Variants in PCDHGB5 observed in about 807,000 individuals in gnomAD.
PCDHGB5 encodes protocadherin gamma subfamily B, 5.
In PCDHGB5, 48 loss-of-function variants were observed where a neutral mutation model predicts 62.9. That is an observed-to-expected ratio of 0.76 (90% CI 0.61 to 0.97). PCDHGB5 has a LOEUF of 0.97. Among genes scored for constraint, PCDHGB5 ranks in the 50% least tolerant of loss-of-function variants. The pLI is 0.00. For missense variants in PCDHGB5, 1,118 were observed against 1,198.6 expected (o/e 0.93, Z 0.99); for synonymous variants, 474 against 511.2 (o/e 0.93, Z 0.98).
rs566049956 is a variant in PCDHGB5 at position 141,511,685 on chromosome 5, G to A, written c.*512G>A. 1.0e-5 allele frequency: 2 copies of A among 198,374 alleles called. No individual in the cohort carries two copies. Among genetic ancestry groups the A allele is most frequent in the Non-Finnish European group, 2.1e-5 (2 of 94,428 alleles). The allele number at this position is 198,374 out of a possible 1,614,324, so 12.3% of individuals were successfully genotyped here. On this transcript the variant is annotated 3_prime_UTR_variant, in exon 4 of 4. Coordinates refer to ENST00000617380, the MANE Select transcript of PCDHGB5 (RefSeq NM_018925.3). ...GATTCTCAATCTTCCCCCAAAGCAT[G>A]GTTTGGTGCCAGCCCCTTCACCTCC...
intron 1 of PCDHGB5, among the ~76,000 whole-genome samples, chr5:141,488,802 A>G (rs910422824): frequency 2.0e-5 from 3 of 152,294 alleles, no homozygotes; most frequent in Middle Eastern, 3.4e-3. Flanking sequence ...CCTGTTGAGT[A>G]CCATCTGAGC....
At chr5:141,495,104 G>C (rs552664771) in intron 2 of PCDHGB5, among the ~76,000 whole-genome samples, 16 of 152,194 alleles carry the variant, frequency 1.1e-4, no homozygotes, top group Admixed American at 8.5e-4. Flanking sequence ...CGCCACGACC[G>C]GCACCTTTTC....
At position 141,511,219 on chromosome 5, in the gene PCDHGB5, G is replaced by A. The variant is rs1467284181; in HGVS notation, c.*46G>A. On this transcript the variant is annotated 3_prime_UTR_variant, in exon 4 of 4. Coordinates refer to ENST00000617380, the MANE Select transcript of PCDHGB5 (RefSeq NM_018925.3). ...CCACAGGGCGGCCTCTCCCCAACCA[G>A]CCCAGCTTCTCCTTACCTGCACCCA... 5 of 1,606,366 alleles carry A rather than the reference G, an allele frequency of 3.1e-6. No individual in the cohort carries two copies. The highest frequency in any genetic ancestry group is 2.7e-5 in the African/African-American group (2 of 74,686).
At position 141,477,579 on chromosome 5, in the gene PCDHGB5, A is replaced by G. The variant is rs774773400; in HGVS notation, c.2398-17228A>G. The stretch of plus-strand genomic sequence containing the variant: ...AGTGTCTGGGACCCCGACGCCCCGC[A>G]GAATGCTCGGCTTTCTTTCTTTCTC... On this transcript the variant is annotated intron_variant, in intron 1 of 3. Coordinates refer to ENST00000617380, the MANE Select transcript of PCDHGB5 (RefSeq NM_018925.3). The surrounding 1 kb of genome is among the most constrained non-coding windows in gnomAD (Gnocchi z 4.9). The G allele has an allele frequency of 1.7e-5, 27 of 1,614,036 alleles. No individual in the cohort carries two copies. The highest frequency in any genetic ancestry group is 2.0e-5 in the Non-Finnish European group (24 of 1,180,036).
intron 1 of PCDHGB5, among the ~76,000 whole-genome samples, chr5:141,438,615 TATATATATATATATATATATACACACAC>T (rs2098021754): frequency 1.1e-4 from 4 of 35,920 alleles, no homozygotes; most frequent in Non-Finnish European, 1.8e-4. Flanking sequence ...TATATATATA[TATATATATATATATATATATACACACAC>T]ACACACACAT....
Position 141,399,658 on chromosome 5 carries a change from T to C in PCDHGB5, c.1531T>C (p.Phe511Leu), listed in dbSNP as rs766038311. ...CATGAGCGCGCAAAGTGGGGTGGTG[T>C]TCGCGCAGCGCGCCTTTGACTACGA... ...VSMSAQSGVV[F>L]AQRAFDYEQL... The change falls in exon 1 of 4, where the codon TTC becomes CTC. Residue 511 changes from phenylalanine to leucine, a missense_variant. Around this residue, in one of 2 missense-constraint regions of PCDHGB5, gnomAD observed 1,034 missense variants for 1,029.1 expected, o/e 1.00. Coordinates refer to ENST00000617380, the MANE Select transcript of PCDHGB5 (RefSeq NM_018925.3). 2 of 1,613,690 alleles carry C rather than the reference T, an allele frequency of 1.2e-6. No individual in the cohort carries two copies. The highest frequency in any genetic ancestry group is 2.2e-5 in the South Asian group (2 of 91,074).
chr5:141,425,555 A>C (rs1282440598), intron 1 of PCDHGB5, among the ~76,000 whole-genome samples: 2 of 152,388 alleles, frequency 1.3e-5, no homozygotes, highest in Middle Eastern at 6.8e-3. Context: ...AACCTCTTTT[A>C]TAAGTGATAA....
chr5:141,447,119 A>AT (rs2098526425), intron 1 of PCDHGB5, among the ~76,000 whole-genome samples: 1 of 150,848 alleles, frequency 6.6e-6, no homozygotes, highest in South Asian at 2.1e-4. Flanking sequence ...TGCTCCATGG[A>AT]TTTTTTTGTT....
chr5:141,421,433 C>T, intron 1 of PCDHGB5: 1 of 1,614,074 alleles, frequency 6.2e-7, no homozygotes, highest in African/African-American at 1.3e-5. Flanking sequence ...CGCATCGTCT[C>T]CAGAGGGAAG....
Position 141,432,480 on chromosome 5 carries a change from G to T in PCDHGB5, c.2397+31956G>T, listed in dbSNP as rs775075732. On this transcript the variant is annotated intron_variant, in intron 1 of 3. Transcript: ENST00000617380. This position sits in a 1 kb window ranked among gnomAD's most constrained non-coding sequence, Gnocchi z 6.0. ...GCCCTCCCCACGGACGGTTCCACTG[G>T]CGTGGAGCTGGCTCCCCGCTCCGCA... The T allele has an allele frequency of 1.9e-6, 3 of 1,614,180 alleles. No individual in the cohort carries two copies. The highest frequency in any genetic ancestry group is 2.2e-5 in the South Asian group (2 of 91,078).
At chr5:141,424,748 A>G (rs1218712198) in intron 1 of PCDHGB5, 3 of 152,034 alleles carry the variant, frequency 2.0e-5, no homozygotes, top group African/African-American at 4.8e-5. Flanking sequence ...TTCTTTCTTT[A>G]TAAGGTCATT....
At position 141,497,209 on chromosome 5, in the gene PCDHGB5, T is replaced by TG. The variant is rs11343387; in HGVS notation, c.2456+2353dup. On this transcript the variant is annotated intron_variant, in intron 2 of 3. Coordinates refer to ENST00000617380, the MANE Select transcript of PCDHGB5 (RefSeq NM_018925.3). ...GAGGCAGAGAACAATGTGAGTGTAA[T>TG]GGGGGGGGGAAGATCAGAGAAGGCT... Among the ~76,000 whole-genome samples the TG allele has an allele frequency of 1.3e-3, 196 of 151,342 alleles. 1 individual carries two copies. The South Asian group carries it at 0.02, about 15-fold the overall frequency.
intron 1 of PCDHGB5, chr5:141,417,966 C>T: frequency 6.2e-7 from 1 of 1,613,776 alleles, no homozygotes; most frequent in Non-Finnish European, 8.5e-7. Flanking sequence ...ATCCGCTACT[C>T]GATTCCGGAG....
chr5:141,423,348 C>G, intron 1 of PCDHGB5: 1 of 1,614,222 alleles, frequency 6.2e-7, no homozygotes. Flanking sequence ...TCTTCCTGGT[C>G]TTTGTCATCG....
At position 141,436,706 on chromosome 5, in the gene PCDHGB5, A is replaced by G. The variant is rs149478256; in HGVS notation, c.2397+36182A>G. 3.9e-3 allele frequency among the ~76,000 whole-genome samples: 587 copies of G among 152,318 alleles called. 6 individuals are homozygous for G. Among genetic ancestry groups the G allele is most frequent in the Admixed American group, 0.011 (169 of 15,304 alleles). On this transcript the variant is annotated intron_variant, in intron 1 of 3. Transcript: ENST00000617380. ...TATATTTTCAATGCCAGCACACTCG[A>G]TGTTCTGTTGGGAAAAATAATAATG...
Position 141,431,145 on chromosome 5 carries a change from A to G in PCDHGB5, c.2397+30621A>G. The G allele has an allele frequency of 1.2e-6, 2 of 1,614,244 alleles. No homozygotes were observed. Among genetic ancestry groups the G allele is most frequent in the Non-Finnish European group, 1.7e-6 (2 of 1,180,042 alleles). On this transcript the variant is annotated intron_variant, in intron 1 of 3. Transcript: ENST00000617380. The surrounding 1 kb of genome is among the most constrained non-coding windows in gnomAD (Gnocchi z 4.8). ...GTAGAAGTAAGGGACATTAACGACA[A>G]TGCGCCTTACTTTCGTGAAAGTGAA... is the stretch of plus-strand genomic sequence containing the variant.
chr5:141,422,576 C>G (rs778942661), intron 1 of PCDHGB5: 1 of 1,614,034 alleles, frequency 6.2e-7, no homozygotes, highest in South Asian at 1.1e-5. Context: ...AACGATAACC[C>G]TCCCGTTTTT....
intron 1 of PCDHGB5, chr5:141,410,118 G>C: frequency 1.2e-6 from 2 of 1,612,422 alleles, no homozygotes; most frequent in African/African-American, 2.7e-5. Flanking sequence ...GACGCAGCCC[G>C]CCAGCGCCTG....
At chr5:141,430,846 C>A in intron 1 of PCDHGB5, 1 of 1,576,344 alleles carries the variant, frequency 6.3e-7, no homozygotes, top group South Asian at 1.2e-5. Context: ...CCGGATGCAC[C>A]CAGATACGCT....
Sources: gnomAD v4.1 joint callset for allele counts (sites outside exome capture counted in the v4.1 genomes callset) on GRCh38, gnomAD v4.1.1 for gene constraint, gnomAD v4.1.1 regional missense constraint, Gnocchi (gnomAD v3.1) non-coding constraint, MANE v1.5 for transcripts, NCBI Gene and HGNC (gene_info 2026-07-23, HGNC 2026-07-21) for gene names.